The following TF variants were observed in gnomAD, a reference collection of about 807,000 sequenced individuals.
The protein encoded by TF is serotransferrin.
In TF, 55 loss-of-function variants were observed where a neutral mutation model predicts 82.4. The observed-to-expected ratio is 0.67, with a 90% CI of 0.54 to 0.84. The LOEUF (loss-of-function observed/expected upper bound fraction) is 0.84. Ranked by LOEUF, TF falls within the 40% of genes least tolerant of loss-of-function variation. The probability of loss-of-function intolerance (pLI) is 0.00; values close to 1 mark genes in which losing one functional copy is unlikely to be tolerated. For missense variants in TF, 737 were observed against 868.4 expected (o/e 0.85, Z 1.90); for synonymous variants, 332 against 332.6 (o/e 1.00, Z 0.02).
At chr3:133,747,074 T>G (rs1235053692) in intron 1 of TF, 2 of 155,760 alleles carry the variant, frequency 1.3e-5, no homozygotes, top group East Asian at 3.8e-4. Context: ...CACATCCTGC[T>G]ATGGGGCAGT....
chr3:133,734,857 A>G, the TF span, among the ~76,000 whole-genome samples: 1 of 152,122 alleles, frequency 6.6e-6, no homozygotes, highest in Non-Finnish European at 1.5e-5. Flanking sequence ...AACACAGACC[A>G]GCCAAATCCA....
the TF span, among the ~76,000 whole-genome samples, chr3:133,668,758 C>G: frequency 1.3e-5 from 2 of 152,174 alleles, no homozygotes; most frequent in Admixed American, 6.5e-5. Flanking sequence ...GGAATCTGCT[C>G]TGCCACCTGC....
the TF span, among the ~76,000 whole-genome samples, chr3:133,733,215 T>A: frequency 1.3e-5 from 2 of 152,192 alleles, no homozygotes; most frequent in Admixed American, 6.5e-5. Flanking sequence ...GCTGTCAAAA[T>A]TTCACAGCCT....
the TF span, chr3:133,692,882 T>G: frequency 6.3e-6 from 1 of 157,626 alleles, no homozygotes; most frequent in Non-Finnish European, 1.4e-5. Flanking sequence ...GCTGGTCTGC[T>G]GGATAGAACA....
At position 133,756,311 on chromosome 3, in the gene TF, C is replaced by G. The variant is rs752741882; in HGVS notation, c.665C>G (p.Ala222Gly). The part of the protein sequence containing the change: ...KCLKDGAGDV[A>G]FVKHSTIFEN... ...CTGAAGGATGGTGCTGGGGATGTGG[C>G]CTTTGTCAAGCACTCGACTATATTT... Residue 222 changes from alanine to glycine, a missense_variant, in exon 6 of 17, where the codon GCC becomes GGC. Transcript: ENST00000402696. 6.2e-7 allele frequency: 1 copy of G among 1,614,118 alleles called. No homozygotes were observed.
the TF span, among the ~76,000 whole-genome samples, chr3:133,733,714 A>G: frequency 6.6e-6 from 1 of 152,198 alleles, no homozygotes; most frequent in Non-Finnish European, 1.5e-5. Context: ...AACAATGCTG[A>G]ATATCTCTGC....
At chr3:133,701,005 C>T in the TF span, 7,160 of 152,618 alleles carry the variant, frequency 0.047, 592 homozygotes, top group African/African-American at 0.16. Context: ...AGATGCCAAG[C>T]TGTACCTGGG....
intron 14 of TF, chr3:133,774,750 T>A (rs1934342611): frequency 5.1e-6 from 1 of 197,752 alleles, no homozygotes; most frequent in South Asian, 8.8e-5. Context: ...AAATGAAAAA[T>A]ACATTTTTAA....
the TF span, among the ~76,000 whole-genome samples, chr3:133,687,554 C>T: frequency 1.3e-5 from 2 of 152,068 alleles, no homozygotes; most frequent in Middle Eastern, 3.2e-3. Context: ...AAAAGAAAAC[C>T]ACATACCCAT....
Position 133,791,352 on chromosome 3 carries a change from G to A in TF, c.*12732G>A, listed in dbSNP as rs1040737293. On this transcript the variant is annotated 3_prime_UTR_variant, in exon 17 of 17. Coordinates refer to ENST00000402696, the MANE Select transcript of TF (RefSeq NM_001063.4). ...CTATTTGTGAATATTCTTAATTCAT[G>A]GCAATGTGTTTGTTTGCATATAGTC... The A allele has an allele frequency of 1.3e-5, 2 of 152,038 alleles. No homozygotes were observed. Among genetic ancestry groups the A allele is most frequent in the Non-Finnish European group, 2.9e-5 (2 of 68,000 alleles). 9.4% of individuals were successfully genotyped at this position (152,038 alleles called of 1,614,324 possible).
At chr3:133,741,617 G>A (rs1408803542), upstream of TF, among the ~76,000 whole-genome samples, 3 of 152,140 alleles carry the variant, frequency 2.0e-5, no homozygotes, top group African/African-American at 7.2e-5. Flanking sequence ...TTTGCTAAGA[G>A]GTTTTGTTAT....
At chr3:133,769,709 G>A (rs1934213562) in intron 13 of TF, among the ~76,000 whole-genome samples, 1 of 152,210 alleles carries the variant, frequency 6.6e-6, no homozygotes, top group African/African-American at 2.4e-5. Flanking sequence ...GCAGGGTTCA[G>A]TCCATTGTCC....
At chr3:133,685,162 G>C in the TF span, among the ~76,000 whole-genome samples, 18 of 152,164 alleles carry the variant, frequency 1.2e-4, no homozygotes, top group Admixed American at 1.1e-3. Flanking sequence ...AGCCCTTCAT[G>C]CTAAAAACTC....
At chr3:133,678,409 G>T in the TF span, among the ~76,000 whole-genome samples, 1 of 152,266 alleles carries the variant, frequency 6.6e-6, no homozygotes, top group East Asian at 1.9e-4. Context: ...TGGTATTTCT[G>T]GTTCTAGAAC....
chr3:133,745,056 G>A (rs1004281319), upstream of TF, among the ~76,000 whole-genome samples: 4 of 152,136 alleles, frequency 2.6e-5, no homozygotes, highest in East Asian at 5.8e-4. Context: ...CCAGTTAAAC[G>A]GATGTACAGA....
chr3:133,735,240 C>T, the TF span, among the ~76,000 whole-genome samples: 1 of 151,162 alleles, frequency 6.6e-6, no homozygotes, highest in Non-Finnish European at 1.5e-5. Flanking sequence ...ACTCGGGAGG[C>T]TGACACAGAG....
chr3:133,759,139 G>A, intron 8 of TF, 36 bp from the exon 9 acceptor site: 1 of 1,613,560 alleles, frequency 6.2e-7, no homozygotes, highest in Non-Finnish European at 8.5e-7. Flanking sequence ...AACAGCTAGG[G>A]CCGCTTCTGA....
At chr3:133,693,363 A>T in the TF span, among the ~76,000 whole-genome samples, 25 of 152,310 alleles carry the variant, frequency 1.6e-4, no homozygotes, top group East Asian at 4.8e-3. Context: ...TGTGTTCTCC[A>T]GGCTCCCTGT....
rs1484134683 is a variant in TF at position 133,795,442 on chromosome 3, C to T, written c.*16822C>T. ...CTGAAAGAAATTGCAGCCATGAGGA[C>T]ACTGTAACCTACGAATGATGTGCTG... On this transcript the variant is annotated 3_prime_UTR_variant, in exon 17 of 17. Transcript: ENST00000402696. 6.6e-6 allele frequency: 1 copy of T among 152,154 alleles called. No individual in the cohort carries two copies. Among genetic ancestry groups the T allele is most frequent in the Non-Finnish European group, 1.5e-5 (1 of 68,060 alleles). The allele number at this position is 152,154 out of a possible 1,614,324, so 9.4% of individuals were successfully genotyped here.
Sources: gnomAD v4.1 joint callset for allele counts (sites outside exome capture counted in the v4.1 genomes callset) on GRCh38, gnomAD v4.1.1 for gene constraint, MANE v1.5 for transcripts, NCBI Gene and HGNC (gene_info 2026-07-23, HGNC 2026-07-21) for gene names.